Variants in TPCN1 observed in about 807,000 individuals in gnomAD.
TPCN1 encodes the protein two pore channel protein 1.
Under a neutral mutation model 108.8 loss-of-function variants are expected in TPCN1, and 52 were observed. The ratio of observed to expected loss-of-function variants is 0.48; its 90% CI spans 0.38 to 0.60. The LOEUF is 0.60. Among genes scored for constraint, TPCN1 ranks in the 20% least tolerant of loss-of-function variants. TPCN1 has a pLI of 0.00. For synonymous variants in TPCN1, 446 were observed against 433.7 expected (o/e 1.03, Z -0.35); for missense variants, 806 against 1,072.8 (o/e 0.75, Z 3.47).
Position 113,289,580 on chromosome 12 carries a change from C to T in TPCN1, c.1797-548C>T, listed in dbSNP as rs1386676634. Among the ~76,000 whole-genome samples the T allele has an allele frequency of 6.6e-6, 1 of 152,126 alleles. No homozygotes were observed. The highest frequency in any genetic ancestry group is 1.9e-4 in the East Asian group (1 of 5,184). ...TGATGCATGCGTGTGGGAGGAGGCTCCCTGGTGGCCCAAGCACTAGACTTT... is the reference window on the plus strand; with the variant it reads ...TGATGCATGCGTGTGGGAGGAGGCTTCCTGGTGGCCCAAGCACTAGACTTT... On this transcript the variant is annotated intron_variant, in intron 21 of 27. Transcript: ENST00000335509. The surrounding 1 kb of genome is among the most constrained non-coding windows in gnomAD (Gnocchi z 4.1).
chr12:113,275,112 C>T (rs1000789654), intron 10 of TPCN1, among the ~76,000 whole-genome samples: 10 of 152,176 alleles, frequency 6.6e-5, no homozygotes, highest in Admixed American at 5.2e-4. Flanking sequence ...GAGAGGCTTC[C>T]GATCGAGTCC....
Position 113,292,899 on chromosome 12 carries a change from C to T in TPCN1, c.2114-35C>T, listed in dbSNP as rs188432355. 7.9e-4 allele frequency: 1,258 copies of T among 1,599,900 alleles called. 13 individuals are homozygous for T. The African/African-American group carries it at 0.013, about 17-fold the overall frequency. ...CCAGCCAGGTTGGCAGCTGCAGCCC[C>T]GGGCCCTTCCCACACCTGCCTTCCA... is the stretch of plus-strand genomic sequence containing the variant. On this transcript the variant is annotated intron_variant, in intron 25 of 27. Transcript: ENST00000335509.
In TPCN1 at chr12:113,284,246, A is replaced by T. The variant is rs1310266893; in HGVS notation, c.1343-335A>T. ...TTTTAAAATTAGAAGTCTCTAGGGG[A>T]AAACAAGTGTTTTCAATACTTGAAT... On this transcript the variant is annotated intron_variant, in intron 15 of 27. Coordinates refer to ENST00000335509, the MANE Select transcript of TPCN1 (RefSeq NM_017901.6). This position sits in a 1 kb window ranked among gnomAD's most constrained non-coding sequence, Gnocchi z 4.1. Among the ~76,000 whole-genome samples the T allele has an allele frequency of 2.0e-5, 3 of 152,234 alleles. No individual in the cohort carries two copies. The highest frequency in any genetic ancestry group is 2.1e-4 in the South Asian group (1 of 4,836).
chr12:113,266,966 T>C lies in TPCN1; in HGVS notation c.414+610T>C, dbSNP rs1405588131. ...CTTCCTGTTTCTCCTTCTTCATGCCTGGAACTCACAGCTCCAGCCAGTCTG... is the reference window on the plus strand; with the variant it reads ...CTTCCTGTTTCTCCTTCTTCATGCCCGGAACTCACAGCTCCAGCCAGTCTG... On this transcript the variant is annotated intron_variant, in intron 4 of 27. Coordinates refer to ENST00000335509, the MANE Select transcript of TPCN1 (RefSeq NM_017901.6). This position sits in a 1 kb window ranked among gnomAD's most constrained non-coding sequence, Gnocchi z 4.2. Among the ~76,000 whole-genome samples the C allele has an allele frequency of 6.6e-6, 1 of 152,206 alleles. No homozygotes were observed. Among genetic ancestry groups the C allele is most frequent in the Admixed American group, 6.5e-5 (1 of 15,288 alleles).
intron 2 of TPCN1, among the ~76,000 whole-genome samples, chr12:113,244,021 T>G (rs542648834): frequency 6.6e-6 from 1 of 152,226 alleles, no homozygotes; most frequent in East Asian, 1.9e-4. Context: ...TCTTTCACAC[T>G]CCATTTATAG....
At chr12:113,291,023 G>T (rs770257060) in intron 23 of TPCN1, 25 bp downstream of exon 23, 2 of 1,611,570 alleles carry the variant, frequency 1.2e-6, no homozygotes, top group Non-Finnish European at 1.7e-6. Flanking sequence ...AGCTCTGGGG[G>T]TATCTTCCCG....
rs1955582899 is a variant in TPCN1, at chr12:113,273,726, A to G, written c.942+58A>G. 1.5e-6 allele frequency: 2 copies of G among 1,361,388 alleles called. No individual in the cohort carries two copies. Among genetic ancestry groups the G allele is most frequent in the Non-Finnish European group, 2.1e-6 (2 of 952,494 alleles). The allele number at this position is 1,361,388 out of a possible 1,614,324, so 84.3% of individuals were successfully genotyped here. The stretch of plus-strand genomic sequence containing the variant: ...AGCCTGCCCCTACCCATGCAGCACT[A>G]GGCACTGTGGGAGTGGAGAAGTGGG... On this transcript the variant is annotated intron_variant, in intron 10 of 27. Transcript: ENST00000335509. This position sits in a 1 kb window ranked among gnomAD's most constrained non-coding sequence, Gnocchi z 4.0.
At chr12:113,255,868 A>G (rs1954814502) in intron 2 of TPCN1, among the ~76,000 whole-genome samples, 1 of 151,618 alleles carries the variant, frequency 6.6e-6, no homozygotes, top group African/African-American at 2.4e-5. Flanking sequence ...TCTGTCACCC[A>G]GGCTGGAGTG....
chr12:113,235,826 T>C (rs924551205), intron 2 of TPCN1, among the ~76,000 whole-genome samples: 5 of 152,110 alleles, frequency 3.3e-5, no homozygotes, highest in South Asian at 2.1e-4. Context: ...GGTGAGGGGT[T>C]GGGGTAGCAT....
chr12:113,290,562 T>TGCTGCA (rs1167837154), intron 22 of TPCN1, among the ~76,000 whole-genome samples: 1 of 152,236 alleles, frequency 6.6e-6, no homozygotes, highest in African/African-American at 2.4e-5. Flanking sequence ...ACACCACTGC[T>TGCTGCA]GCTGCAGCTG....
At chr12:113,241,388 C>T (rs958672605) in intron 2 of TPCN1, among the ~76,000 whole-genome samples, 1 of 152,170 alleles carries the variant, frequency 6.6e-6, no homozygotes, top group Non-Finnish European at 1.5e-5. Flanking sequence ...GGTGCTGGGG[C>T]GTGGCCAGTG....
intron 22 of TPCN1, among the ~76,000 whole-genome samples, chr12:113,290,451 C>G (rs537091480): frequency 5.9e-5 from 9 of 152,326 alleles, no homozygotes; most frequent in African/African-American, 2.2e-4. Context: ...TGATTCCACT[C>G]TTTCCTGATA....
At chr12:113,267,125 C>G (rs561874581) in intron 4 of TPCN1, among the ~76,000 whole-genome samples, 6 of 152,264 alleles carry the variant, frequency 3.9e-5, no homozygotes, top group Admixed American at 3.9e-4. Context: ...GGAGGAGGAG[C>G]TCTCCTATGT....
chr12:113,287,335 AT>A, intron 19 of TPCN1: 1 of 522,700 alleles, frequency 1.9e-6, no homozygotes, highest in South Asian at 2.6e-5. Context: ...CCCATGACTC[AT>A]GTGCACCCCA....
intron 1 of TPCN1, among the ~76,000 whole-genome samples, chr12:113,221,851 C>G (rs1383920315): frequency 6.6e-6 from 1 of 152,206 alleles, no homozygotes; most frequent in Non-Finnish European, 1.5e-5. Context: ...GCGACCCTCA[C>G]GTGGGCTCCC....
At position 113,293,056 on chromosome 12, in the gene TPCN1, C is replaced by T. The variant is rs1285980071; in HGVS notation, c.2236C>T (p.Gln746Ter). 2 of 1,612,404 alleles carry T rather than the reference C, an allele frequency of 1.2e-6. No individual in the cohort carries two copies. Among genetic ancestry groups the T allele is most frequent in the Non-Finnish European group, 1.7e-6 (2 of 1,179,558 alleles). ...DVTRLLETLS[Q>*]MERYQQHSMV... is the part of the protein sequence containing the mutation. ...CACCAGGCTGCTGGAGACCCTCTCCCAGATGGAGAGATACCAGGTGAGGAG... is the reference window on the plus strand; with the variant it reads ...CACCAGGCTGCTGGAGACCCTCTCCTAGATGGAGAGATACCAGGTGAGGAG... The change falls in exon 26 of 28, where the codon CAG becomes TAG. Residue 746 changes from glutamine to a stop codon, truncating the protein, a stop_gained. Transcript: ENST00000335509. LOFTEE classifies it high-confidence loss of function.
In TPCN1 at chr12:113,285,960, T is replaced by C; in HGVS notation, c.1525T>C (p.Leu509=). The C allele has an allele frequency of 6.2e-7, 1 of 1,613,980 alleles. No homozygotes were observed. Among genetic ancestry groups the C allele is most frequent in the Non-Finnish European group, 8.5e-7 (1 of 1,179,840 alleles). The change falls in exon 18 of 28, where the codon TTG becomes CTG. Residue 509 remains leucine (L), a splice_region_variant and synonymous_variant. Coordinates refer to ENST00000335509, the MANE Select transcript of TPCN1 (RefSeq NM_017901.6). ...PVEYLSSGWN[L]FDFSVTVFAF... ...GGAGTACTTGTCTTCCGGATGGAAC[T>C]TGTGAGTGGACAGCATGTTTCTGAC...
intron 2 of TPCN1, among the ~76,000 whole-genome samples, chr12:113,234,230 C>T (rs1953800130): frequency 6.6e-6 from 1 of 152,182 alleles, no homozygotes; most frequent in African/African-American, 2.4e-5. Flanking sequence ...TAGGCTTTTC[C>T]CCCATGCACG....
chr12:113,269,013 C>G lies in TPCN1; in HGVS notation c.659+141C>G, dbSNP rs768835528. On this transcript the variant is annotated intron_variant, in intron 6 of 27. Transcript: ENST00000335509. The surrounding 1 kb of genome is among the most constrained non-coding windows in gnomAD (Gnocchi z 5.0). ...GAGTACACGCAGACTCACTCTCCCT[C>G]TGCCATTCCATCCACGCACAGGAGA... 1.9e-5 allele frequency: 19 copies of G among 974,474 alleles called. No individual in the cohort carries two copies. Among genetic ancestry groups the G allele is most frequent in the Non-Finnish European group, 2.6e-5 (17 of 650,032 alleles). The allele number at this position is 974,474 out of a possible 1,614,324, so 60.4% of individuals were successfully genotyped here.
Sources: gnomAD v4.1 joint callset for allele counts (sites outside exome capture counted in the v4.1 genomes callset) on GRCh38, gnomAD v4.1.1 for gene constraint, Gnocchi (gnomAD v3.1) non-coding constraint, MANE v1.5 for transcripts, NCBI Gene and HGNC (gene_info 2026-07-23, HGNC 2026-07-21) for gene names.